FOXN3: variants seen among roughly 807,000 people sequenced by gnomAD.
FOXN3 encodes the protein forkhead box N3, also known as forkhead box protein N3.
FOXN3 carries 7 observed loss-of-function variants against 38.4 expected under a neutral mutation model. The ratio of observed to expected loss-of-function variants is 0.18; its 90% CI spans 0.10 to 0.34. The LOEUF (loss-of-function observed/expected upper bound fraction) is 0.34, where lower values mean the gene tolerates loss of function less well. FOXN3 is among the 10% of genes least tolerant of loss of function. The pLI is 1.00. For synonymous variants in FOXN3, 230 were observed against 242.2 expected (o/e 0.95, Z 0.47); for missense variants, 456 against 613.4 (o/e 0.74, Z 2.71).
At chr14:89,305,004 T>A (rs17125653) in intron 3 of FOXN3, among the ~76,000 whole-genome samples, 17,024 of 151,582 alleles carry the variant, frequency 0.11, 1,253 homozygotes, top group African/African-American at 0.2. Flanking sequence ...CCTTCTTAAT[T>A]CTATGTGGCC....
intron 4 of FOXN3, among the ~76,000 whole-genome samples, chr14:89,272,792 G>T (rs1392915000): frequency 6.6e-6 from 1 of 152,226 alleles, no homozygotes; most frequent in Admixed American, 6.5e-5. Context: ...AGCATAAGTT[G>T]CAGTGAGCCA....
At chr14:89,357,663 A>G (rs1300114263) in intron 2 of FOXN3, among the ~76,000 whole-genome samples, 2 of 152,200 alleles carry the variant, frequency 1.3e-5, no homozygotes, top group Admixed American at 1.3e-4. Context: ...AGCAGTTGAC[A>G]CTGGCAATGC....
At chr14:89,291,271 A>G (rs1477646538) in intron 3 of FOXN3, 2 of 447,874 alleles carry the variant, frequency 4.5e-6, no homozygotes, top group Non-Finnish European at 8.7e-6. Flanking sequence ...TGGACTTCTG[A>G]ATCTTTTCTG....
At chr14:89,324,462 G>C (rs1217958254) in intron 3 of FOXN3, among the ~76,000 whole-genome samples, 1 of 151,324 alleles carries the variant, frequency 6.6e-6, no homozygotes, top group Non-Finnish European at 1.5e-5. Flanking sequence ...GTGTGTGTGT[G>C]TGTGTGTGTG....
rs934379273 is a variant in FOXN3 at position 89,176,705 on chromosome 14, CA to C, written c.851+3995del. ...TAAAATTATGATGAATGTGAAAATG[CA>C]AAACAAGATGTTTTTCCCCAAGCAC... On this transcript the variant is annotated intron_variant, in intron 5 of 5. Coordinates refer to ENST00000557258, the MANE Select transcript of FOXN3 (RefSeq NM_005197.4). Among the ~76,000 whole-genome samples the C allele has an allele frequency of 4.9e-4, 74 of 152,334 alleles. 1 individual carries two copies. Among genetic ancestry groups the C allele is most frequent in the African/African-American group, 1.8e-3 (74 of 41,578 alleles).
intron 1 of FOXN3, among the ~76,000 whole-genome samples, chr14:89,584,147 C>A (rs1895799094): frequency 6.6e-6 from 1 of 151,896 alleles, no homozygotes; most frequent in Non-Finnish European, 1.5e-5. Flanking sequence ...GTATGAGCCA[C>A]CACACCTGGC....
In FOXN3 at chr14:89,412,225, G is replaced by C. The variant is rs773255116; in HGVS notation, c.252C>G (p.Val84=). The C allele has an allele frequency of 6.2e-7, 1 of 1,614,084 alleles. No individual in the cohort carries two copies. The highest frequency in any genetic ancestry group is 8.5e-7 in the Non-Finnish European group (1 of 1,180,028). Residue 84 remains valine, a synonymous_variant, in exon 2 of 6, where the codon GTC becomes GTG. Transcript: ENST00000557258. This position sits in a 1 kb window ranked among gnomAD's most constrained non-coding sequence, Gnocchi z 4.7. ...CATCGTCCAGGTCCTGGACGGGGCT[G>C]ACACTCCTGAGGACCGACTCCCCAA... ...KSFGESVLRS[V]SPVQDLDDDT...
At chr14:89,414,392 C>T (rs1891636494) in intron 1 of FOXN3, among the ~76,000 whole-genome samples, 1 of 152,138 alleles carries the variant, frequency 6.6e-6, no homozygotes, top group South Asian at 2.1e-4. Context: ...ACTGCCACTT[C>T]AGCTGTGGAA....
intron 1 of FOXN3, among the ~76,000 whole-genome samples, chr14:89,505,873 G>A (rs1369290205): frequency 1.4e-5 from 2 of 146,638 alleles, no homozygotes; most frequent in Admixed American, 6.8e-5. Context: ...TGTGGGGAGC[G>A]CCTCTGCCCT....
intron 1 of FOXN3, among the ~76,000 whole-genome samples, chr14:89,566,771 C>T (rs974258237): frequency 2.0e-5 from 3 of 148,260 alleles, no homozygotes; most frequent in Non-Finnish European, 4.4e-5. Context: ...TCCTCCTCCT[C>T]CTCCTCCTCC....
At chr14:89,330,801 A>G (rs912224669) in intron 3 of FOXN3, among the ~76,000 whole-genome samples, 3 of 152,202 alleles carry the variant, frequency 2.0e-5, no homozygotes, top group Non-Finnish European at 4.4e-5. Context: ...GCCAGCAGTC[A>G]TCACCTGCCA....
At position 89,250,207 on chromosome 14, in the gene FOXN3, C is replaced by G. The variant is rs114054509; in HGVS notation, c.745+30743G>C. 7.8e-3 allele frequency among the ~76,000 whole-genome samples: 1,191 copies of G among 152,286 alleles called. 13 individuals are homozygous for G. Among genetic ancestry groups the G allele is most frequent in the African/African-American group, 0.028 (1,152 of 41,548 alleles). On this transcript the variant is annotated intron_variant, in intron 4 of 5. Transcript: ENST00000557258. ...CTCACTGTAGCCTTGACTTCCTGGG[C>G]TCAACGGATCCTCCTGCCTGAGTCT...
intron 4 of FOXN3, among the ~76,000 whole-genome samples, chr14:89,223,929 TCTAA>T (rs764653585): frequency 2.0e-5 from 3 of 152,256 alleles, no homozygotes; most frequent in Non-Finnish European, 4.4e-5. Context: ...TATCAATTGT[TCTAA>T]CTATTTGAAA....
At chr14:89,558,804 G>A (rs1002967545) in intron 1 of FOXN3, among the ~76,000 whole-genome samples, 1 of 152,156 alleles carries the variant, frequency 6.6e-6, no homozygotes, top group African/African-American at 2.4e-5. Context: ...AGCTGCCGTA[G>A]GCTCACAGCT....
At chr14:89,230,310 A>G (rs1884769128) in intron 4 of FOXN3, among the ~76,000 whole-genome samples, 1 of 152,216 alleles carries the variant, frequency 6.6e-6, no homozygotes, top group African/African-American at 2.4e-5. Flanking sequence ...TGAATGGACA[A>G]TCCCTCTTAC....
intron 4 of FOXN3, among the ~76,000 whole-genome samples, chr14:89,181,506 C>T (rs890425040): frequency 1.3e-5 from 2 of 152,210 alleles, no homozygotes; most frequent in Admixed American, 6.5e-5. Flanking sequence ...TCCCCCCAGG[C>T]GATCCTCGTG....
intron 2 of FOXN3, among the ~76,000 whole-genome samples, chr14:89,387,681 A>G (rs10162389): frequency 0.12 from 18,987 of 152,238 alleles, 1,431 homozygotes; most frequent in East Asian, 0.34. Context: ...GAGATTAATA[A>G]GATCAGGAGT....
rs535006187 is a variant in FOXN3 at position 89,432,647 on chromosome 14, C to T, written c.-14-20157G>A. Among the ~76,000 whole-genome samples the T allele has an allele frequency of 2.6e-4, 40 of 152,216 alleles. 1 individual carries two copies. Among genetic ancestry groups the T allele is most frequent in the Admixed American group, 2.2e-3 (33 of 15,282 alleles). On this transcript the variant is annotated intron_variant, in intron 1 of 6. Transcript: ENST00000345097. The stretch of plus-strand genomic sequence containing the variant: ...GTCCCTCTGGCCTGCACAGCCCCAC[C>T]GCCTTGACCACTGCTCTCACCTGTC...
Position 89,590,518 on chromosome 14 carries a change from C to T in FOXN3, c.-15+28510G>A, listed in dbSNP as rs116761528. On this transcript the variant is annotated intron_variant, in intron 1 of 6. Coordinates refer to the FOXN3 transcript ENST00000345097. ...GCTCAGGAATCAGAGGCATCAGATA[C>T]GGAGAAAGTGGGGATGACGTGTGGG... 1.4e-3 allele frequency among the ~76,000 whole-genome samples: 207 copies of T among 152,216 alleles called. 1 individual carries two copies. The highest frequency in any genetic ancestry group is 4.7e-3 in the African/African-American group (194 of 41,534).
Sources: allele counts gnomAD v4.1 joint callset (sites outside exome capture counted in the v4.1 genomes callset), GRCh38; gene constraint gnomAD v4.1.1; non-coding constraint Gnocchi (gnomAD v3.1); transcripts MANE v1.5; gene names NCBI Gene and HGNC (gene_info 2026-07-23, HGNC 2026-07-21).